Variants in HSD17B3 observed in about 807,000 individuals in gnomAD.
HSD17B3 encodes the protein 17-beta-hydroxysteroid dehydrogenase type 3.
Under a neutral mutation model 41.1 loss-of-function variants are expected in HSD17B3, and 29 were observed. The observed-to-expected ratio is 0.71, with a 90% CI of 0.53 to 0.96. The LOEUF is 0.96. Ranked by LOEUF, HSD17B3 falls within the 40% of genes least tolerant of loss-of-function variation. The pLI is 0.00. For missense variants in HSD17B3, 323 were observed against 374.6 expected, an observed-to-expected ratio of 0.86 and a Z score of 1.14; for synonymous variants, 126 against 145.6, an observed-to-expected ratio of 0.87 and a Z score of 0.97.
chr9:96,296,556 A>G lies in HSD17B3; in HGVS notation c.201+1860T>C, dbSNP rs577493237. ...CACTGGAACCTTACATATATTCACA[A>G]CCTCTAACCCAGCAAGACCACCTCA... On this transcript the variant is annotated intron_variant, in intron 2 of 10. Transcript: ENST00000375263. 3.9e-5 allele frequency among the ~76,000 whole-genome samples: 6 copies of G among 152,190 alleles called. No individual in the cohort carries two copies. The South Asian group carries it at 1.2e-3, about 32-fold the overall frequency.
intron 2 of HSD17B3, among the ~76,000 whole-genome samples, chr9:96,289,340 A>T (rs1215496273): frequency 2.0e-5 from 3 of 152,108 alleles, no homozygotes; most frequent in Admixed American, 6.6e-5. Context: ...GCTCTAAAAA[A>T]TAAAGTCCAT....
intron 9 of HSD17B3, among the ~76,000 whole-genome samples, chr9:96,243,133 G>T (rs139575260): frequency 6.6e-6 from 1 of 152,342 alleles, no homozygotes; most frequent in South Asian, 2.1e-4. Context: ...GATGTGTCAC[G>T]TGAATGCAAA....
chr9:96,280,351 T>C (rs1387133204), intron 2 of HSD17B3, among the ~76,000 whole-genome samples: 1 of 152,250 alleles, frequency 6.6e-6, no homozygotes. Flanking sequence ...TTTGAACGAC[T>C]ATTCCACAGT....
At chr9:96,255,862 A>G (rs898179674) in intron 2 of HSD17B3, among the ~76,000 whole-genome samples, 1 of 152,104 alleles carries the variant, frequency 6.6e-6, no homozygotes, top group Admixed American at 6.5e-5. Flanking sequence ...GGCCCTGCAG[A>G]GTGGATAATG....
At chr9:96,260,586 G>A (rs546919063) in intron 2 of HSD17B3, among the ~76,000 whole-genome samples, 19 of 152,024 alleles carry the variant, frequency 1.2e-4, no homozygotes, top group Middle Eastern at 3.4e-3. Context: ...ATGGTGAAAC[G>A]CCATCTCTAC....
intron 2 of HSD17B3, among the ~76,000 whole-genome samples, chr9:96,268,173 C>T (rs1334212091): frequency 6.6e-6 from 1 of 152,202 alleles, no homozygotes; most frequent in Non-Finnish European, 1.5e-5. Context: ...GATCCACTGG[C>T]CTTGGCCTCC....
intron 2 of HSD17B3, among the ~76,000 whole-genome samples, chr9:96,286,312 C>G (rs1458165959): frequency 6.6e-6 from 1 of 151,822 alleles, no homozygotes; most frequent in Non-Finnish European, 1.5e-5. Flanking sequence ...CCACTGCGCT[C>G]TAGCCTAGGT....
At position 96,275,820 on chromosome 9, in the gene HSD17B3, A is replaced by C. The variant is rs557776541; in HGVS notation, c.202-20877T>G. Reference sequence around the variant, plus strand: ...AAATCATGAAATAAAGGAAAACAGCAAAAGAGGAAGAGGGACAAAACAACC... The same window carrying C: ...AAATCATGAAATAAAGGAAAACAGCCAAAGAGGAAGAGGGACAAAACAACC... On this transcript the variant is annotated intron_variant, in intron 2 of 10. Coordinates refer to ENST00000375263, the MANE Select transcript of HSD17B3 (RefSeq NM_000197.2). 1.5e-4 allele frequency among the ~76,000 whole-genome samples: 23 copies of C among 152,280 alleles called. 1 individual carries two copies. The South Asian group carries it at 4.6e-3, about 30-fold the overall frequency.
intron 9 of HSD17B3, 63 bp downstream of exon 9, chr9:96,244,266 A>G (rs1347868592): frequency 6.5e-7 from 1 of 1,528,848 alleles, no homozygotes; most frequent in Non-Finnish European, 9.1e-7. Flanking sequence ...AACCCTTCTC[A>G]AGGACTCACA....
Position 96,289,702 on chromosome 9 carries a change from G to C in HSD17B3, c.201+8714C>G, listed in dbSNP as rs190577768. On this transcript the variant is annotated intron_variant, in intron 2 of 10. Coordinates refer to ENST00000375263, the MANE Select transcript of HSD17B3 (RefSeq NM_000197.2). ...TTCCATGTGAAGTGGTCTGGGCCAA[G>C]AGGGGGGCGCCCGAGAACACTTGGT... 4.0e-4 allele frequency among the ~76,000 whole-genome samples: 61 copies of C among 152,338 alleles called. No individual in the cohort carries two copies. In the East Asian group the frequency reaches 0.012, roughly 29 times the overall value.
intron 6 of HSD17B3, among the ~76,000 whole-genome samples, chr9:96,247,519 TG>T (rs992401443): frequency 6.6e-6 from 1 of 152,074 alleles, no homozygotes; most frequent in African/African-American, 2.4e-5. Flanking sequence ...TCTTCGCTGC[TG>T]GGGGGCCAGG....
rs368288785 is a variant in HSD17B3 at position 96,238,653 on chromosome 9, C to G, written c.822+2105G>C. Among the ~76,000 whole-genome samples the G allele has an allele frequency of 9.9e-5, 15 of 151,862 alleles. No individual in the cohort carries two copies. The South Asian group carries it at 2.9e-3, about 29-fold the overall frequency. On this transcript the variant is annotated intron_variant, in intron 10 of 10. Coordinates refer to ENST00000375263, the MANE Select transcript of HSD17B3 (RefSeq NM_000197.2). ...CTCCAGCCCGGGCAACAGCGAGACT[C>G]CATCTCAAAAAAAAAAGATCTGTAA... is the stretch of plus-strand genomic sequence containing the variant.
intron 2 of HSD17B3, among the ~76,000 whole-genome samples, chr9:96,296,584 A>G (rs1036133630): frequency 3.3e-5 from 5 of 152,216 alleles, no homozygotes; most frequent in Non-Finnish European, 7.3e-5. Flanking sequence ...CCACCTCAAG[A>G]AAATAGCTCC....
At chr9:96,284,873 C>G (rs998499300) in intron 2 of HSD17B3, among the ~76,000 whole-genome samples, 1 of 147,480 alleles carries the variant, frequency 6.8e-6, no homozygotes, top group Non-Finnish European at 1.5e-5. Context: ...GAGTCTTGCT[C>G]TGTCGACCAG....
intron 10 of HSD17B3, chr9:96,239,788 T>C (rs374381218): frequency 6.6e-6 from 1 of 152,212 alleles, no homozygotes; most frequent in East Asian, 1.9e-4. Context: ...AATGTTATGT[T>C]TGCTTCAGTA....
chr9:96,260,615 T>C (rs912022358), intron 2 of HSD17B3, among the ~76,000 whole-genome samples: 5 of 152,010 alleles, frequency 3.3e-5, no homozygotes, highest in Non-Finnish European at 7.4e-5. Flanking sequence ...AATACAAAAA[T>C]TAGCTGGGCA....
At chr9:96,255,605 G>C (rs564729868) in intron 2 of HSD17B3, among the ~76,000 whole-genome samples, 4 of 151,860 alleles carry the variant, frequency 2.6e-5, no homozygotes, top group African/African-American at 4.8e-5. Context: ...GGCCAGGCTG[G>C]TCTCCAACTC....
intron 3 of HSD17B3, 43 bp downstream of exon 3, chr9:96,254,825 G>A: frequency 1.3e-6 from 2 of 1,535,960 alleles, no homozygotes; most frequent in South Asian, 2.2e-5. Flanking sequence ...AGGCTTGGTT[G>A]GAGGGCTCCA....
At chr9:96,289,580 T>C (rs1245100897) in intron 2 of HSD17B3, among the ~76,000 whole-genome samples, 1 of 152,178 alleles carries the variant, frequency 6.6e-6, no homozygotes, top group Non-Finnish European at 1.5e-5. Flanking sequence ...GAAGAGGAGA[T>C]TGCCCAATAA....
Sources: allele counts gnomAD v4.1 joint callset (sites outside exome capture counted in the v4.1 genomes callset), GRCh38; gene constraint gnomAD v4.1.1; transcripts MANE v1.5; gene names NCBI Gene and HGNC (gene_info 2026-07-23, HGNC 2026-07-21).